ZNF502: variants seen among roughly 807,000 people sequenced by gnomAD.
ZNF502 encodes the protein zinc finger protein 502.
A neutral mutation model predicts 43.6 loss-of-function variants in ZNF502; 29 were observed. The ratio of observed to expected loss-of-function variants is 0.67; its 90% CI spans 0.50 to 0.91. The LOEUF is 0.91. Ranked by LOEUF, ZNF502 falls within the 40% of genes least tolerant of loss-of-function variation. The pLI is 0.00. For missense variants in ZNF502, 591 were observed against 647.2 expected (o/e 0.91, Z 0.94); for synonymous variants, 171 against 207.4 (o/e 0.82, Z 1.51).
At chr3:44,713,825 C>T (rs1247168698) in intron 1 of ZNF502, among the ~76,000 whole-genome samples, 1 of 152,144 alleles carries the variant, frequency 6.6e-6, no homozygotes, top group Non-Finnish European at 1.5e-5. Flanking sequence ...AGTGATCCAC[C>T]CGCCTTGGCC....
Position 44,722,436 on chromosome 3 carries a change from T to G in ZNF502, c.1619T>G (p.Leu540Arg). 1.9e-6 allele frequency: 3 copies of G among 1,611,250 alleles called. No individual in the cohort carries two copies. The highest frequency in any genetic ancestry group is 2.5e-6 in the Non-Finnish European group (3 of 1,178,776). ...TCAGTCCTTTTCAGACATCAGAAAC[T>G]TCACAGTGGTGACTAATGCTGCCAT... The part of the protein sequence containing the change: ...HSSVLFRHQK[L>R]HSGD The change falls in exon 3 of 3, where the codon CTT becomes CGT. Residue 540 changes from leucine (L) to arginine (R), a missense_variant. By Grantham distance (102) the Leu-to-Arg change is moderately radical. Transcript: ENST00000436624.
At position 44,722,296 on chromosome 3, in the gene ZNF502, T is replaced by C. The variant is rs1704378234; in HGVS notation, c.1479T>C (p.Cys493=). ...ACACTGGTGAGAAGCTCTATAAATGTAGTGAGTGTGAGAAAACCTTCCGCA... is the reference window on the plus strand; with the variant it reads ...ACACTGGTGAGAAGCTCTATAAATGCAGTGAGTGTGAGAAAACCTTCCGCA... ...RTHTGEKLYK[C]SECEKTFRKY... Residue 493 remains cysteine (C), a synonymous_variant, in exon 3 of 3, where the codon TGT becomes TGC. Transcript: ENST00000436624. 6 of 1,614,082 alleles carry C rather than the reference T, an allele frequency of 3.7e-6. No individual in the cohort carries two copies. The highest frequency in any genetic ancestry group is 5.1e-6 in the Non-Finnish European group (6 of 1,179,938).
At chr3:44,717,451 G>A (rs1277393804) in intron 1 of ZNF502, among the ~76,000 whole-genome samples, 4 of 118,764 alleles carry the variant, frequency 3.4e-5, no homozygotes, top group African/African-American at 9.8e-5. Context: ...CGCTCTTGTC[G>A]CCCAGGCTGG....
chr3:44,721,124 A>G lies in ZNF502; in HGVS notation c.307A>G (p.Asn103Asp). The G allele has an allele frequency of 6.2e-7, 1 of 1,614,196 alleles. No homozygotes were observed. Among genetic ancestry groups the G allele is most frequent in the East Asian group, 2.2e-5 (1 of 44,884 alleles). Residue 103 changes from asparagine to aspartate, a missense_variant, in exon 3 of 3, where the codon AAT becomes GAT. Asn to Asp is a conservative substitution (Grantham distance 23). Coordinates refer to ENST00000436624, the MANE Select transcript of ZNF502 (RefSeq NM_001134442.3). ...CCCTGAAATTATTAGTCAAGGATATAATTTTGAGAAAAGCTTGCTTTTGAC... is the reference window on the plus strand; with the variant it reads ...CCCTGAAATTATTAGTCAAGGATATGATTTTGAGAAAAGCTTGCTTTTGAC... ...APPEIISQGY[N>D]FEKSLLLTSS...
At position 44,721,016 on chromosome 3, in the gene ZNF502, A is replaced by G; in HGVS notation, c.199A>G (p.Asn67Asp). The change falls in exon 3 of 3, where the codon AAC becomes GAC. Residue 67 changes from asparagine (N) to aspartate (D), a missense_variant. Coordinates refer to ENST00000436624, the MANE Select transcript of ZNF502 (RefSeq NM_001134442.3). ...EKYACEGMKE[N>D]SPREIAESCL... Reference sequence around the variant, plus strand: ...ATATGCATGTGAGGGCATGAAGGAAAACTCTCCTAGGGAGATTGCTGAATC... The same window carrying G: ...ATATGCATGTGAGGGCATGAAGGAAGACTCTCCTAGGGAGATTGCTGAATC... 6.2e-7 allele frequency: 1 copy of G among 1,614,140 alleles called. No individual in the cohort carries two copies. Among genetic ancestry groups the G allele is most frequent in the Non-Finnish European group, 8.5e-7 (1 of 1,179,996 alleles).
Position 44,722,734 on chromosome 3 carries a change from T to C in ZNF502, c.*282T>C. On this transcript the variant is annotated 3_prime_UTR_variant, in exon 3 of 3. Transcript: ENST00000436624. ...TGACTCTTACAGCTTGAGGAGGCAT[T>C]TGTTAGCACTTCTGTTCACTTTACT... 1 of 357,960 alleles carries C rather than the reference T, an allele frequency of 2.8e-6. No individual in the cohort carries two copies. The highest frequency in any genetic ancestry group is 5.0e-6 in the Non-Finnish European group (1 of 198,946). 22.2% of individuals were successfully genotyped at this position (357,960 alleles called of 1,614,324 possible).
In ZNF502 at chr3:44,722,487, A is replaced by C. The variant is rs1303743046; in HGVS notation, c.*35A>C. 2 of 1,571,106 alleles carry C rather than the reference A, an allele frequency of 1.3e-6. No homozygotes were observed. Among genetic ancestry groups the C allele is most frequent in the South Asian group, 2.4e-5 (2 of 84,754 alleles). On this transcript the variant is annotated 3_prime_UTR_variant, in exon 3 of 3. Coordinates refer to ENST00000436624, the MANE Select transcript of ZNF502 (RefSeq NM_001134442.3). The stretch of plus-strand genomic sequence containing the variant: ...TTAGGTTATGACAGTTTCTCTAGCG[A>C]GGATGACTACGAATCTGACTGGGAG...
intron 1 of ZNF502, among the ~76,000 whole-genome samples, chr3:44,716,056 A>T (rs1367043518): frequency 6.6e-6 from 1 of 152,128 alleles, no homozygotes; most frequent in African/African-American, 2.4e-5. Context: ...CAGTAGAAAA[A>T]CTTTTATTTC....
Position 44,722,475 on chromosome 3 carries a change from G to T in ZNF502, c.*23G>T, listed in dbSNP as rs772633079. 1 of 1,585,960 alleles carries T rather than the reference G, an allele frequency of 6.3e-7. No individual in the cohort carries two copies. The highest frequency in any genetic ancestry group is 8.6e-7 in the Non-Finnish European group (1 of 1,168,486). On this transcript the variant is annotated 3_prime_UTR_variant, in exon 3 of 3. Coordinates refer to ENST00000436624, the MANE Select transcript of ZNF502 (RefSeq NM_001134442.3). The stretch of plus-strand genomic sequence containing the variant: ...TAATGCTGCCATTTAGGTTATGACA[G>T]TTTCTCTAGCGAGGATGACTACGAA...
intron 1 of ZNF502, among the ~76,000 whole-genome samples, chr3:44,716,680 A>C (rs1313978408): frequency 6.6e-6 from 1 of 152,216 alleles, no homozygotes; most frequent in Non-Finnish European, 1.5e-5. Context: ...GATGGTACCA[A>C]CTTACATTCG....
In ZNF502 at chr3:44,721,459, G is replaced by A. The variant is rs762571572; in HGVS notation, c.642G>A (p.Glu214=). The A allele has an allele frequency of 5.0e-6, 8 of 1,614,160 alleles. No homozygotes were observed. Among genetic ancestry groups the A allele is most frequent in the East Asian group, 2.2e-5 (1 of 44,866 alleles). The change falls in exon 3 of 3, where the codon GAG becomes GAA. Residue 214 remains glutamate, a synonymous_variant. Coordinates refer to ENST00000436624, the MANE Select transcript of ZNF502 (RefSeq NM_001134442.3). ...CTGGAGTGAAACCATATGGATGTGA[G>A]CAGTGTGGGAAAACATTTCGATGTC... ...IHTGVKPYGC[E]QCGKTFRCRS... is the part of the protein sequence containing the mutation.
rs746858486 is a variant in ZNF502 at position 44,720,290 on chromosome 3, G to C, written c.29G>C (p.Arg10Thr). The stretch of plus-strand genomic sequence containing the variant: ...TTGAATATGCAAGGAGCTGAAGAGA[G>C]AGACATTAGAAGAGAGACTTGTCCA... MLNMQGAEE[R>T]DIRRETCPGW... is the part of the protein sequence containing the mutation. The change falls in exon 2 of 3, where the codon AGA (arginine) becomes ACA (threonine). Residue 10 changes from arginine to threonine, a missense_variant. Coordinates refer to ENST00000436624, the MANE Select transcript of ZNF502 (RefSeq NM_001134442.3). 1.2e-6 allele frequency: 2 copies of C among 1,614,164 alleles called. No homozygotes were observed. Among genetic ancestry groups the C allele is most frequent in the Non-Finnish European group, 1.7e-6 (2 of 1,180,012 alleles).
rs1704317086 is a variant in ZNF502 at position 44,721,212 on chromosome 3, G to A, written c.395G>A (p.Ser132Asn). Residue 132 changes from serine to asparagine, a missense_variant, in exon 3 of 3, where the codon AGT (serine) becomes AAT (asparagine). By Grantham distance (46) the Ser-to-Asn change is conservative (BLOSUM62 1). Transcript: ENST00000436624. ...TEESLHQWETSNIQTNDISDQ... is the reference protein window; with the variant it reads ...TEESLHQWETNNIQTNDISDQ... ...GAGAGTCTGCATCAGTGGGAAACAA[G>A]TAATATACAAACCAATGATATTTCA... 1.2e-6 allele frequency: 2 copies of A among 1,614,106 alleles called. No individual in the cohort carries two copies. The highest frequency in any genetic ancestry group is 1.7e-6 in the Non-Finnish European group (2 of 1,180,016).
intron 1 of ZNF502, among the ~76,000 whole-genome samples, chr3:44,714,029 C>T (rs149769612): frequency 1.2e-4 from 18 of 152,106 alleles, no homozygotes; most frequent in South Asian, 4.2e-4. Flanking sequence ...AAAATGCAGA[C>T]CAAGAAGGGC....
At chr3:44,720,119 C>A in intron 1 of ZNF502, 84 bp from the exon 2 acceptor site, 1 of 835,294 alleles carries the variant, frequency 1.2e-6, no homozygotes, top group Non-Finnish European at 2.0e-6. Flanking sequence ...GATAGTGTCC[C>A]TAGGCAACAG....
rs770632469 is a variant in ZNF502 at position 44,721,478 on chromosome 3, C to T, written c.661C>T (p.Arg221Ter). 2.2e-5 allele frequency: 35 copies of T among 1,613,978 alleles called. No homozygotes were observed. The highest frequency in any genetic ancestry group is 1.9e-5 in the Non-Finnish European group (22 of 1,180,012). ...ATGTGAGCAGTGTGGGAAAACATTT[C>T]GATGTCGATCATTTCTTACTCAGCA... ...YGCEQCGKTFRCRSFLTQHQR... is the reference protein window; with the variant it reads ...YGCEQCGKTF The change falls in exon 3 of 3, where the codon CGA (arginine) becomes TGA (stop). Residue 221 changes from arginine to a stop codon, truncating the protein, a stop_gained. Transcript: ENST00000436624. LOFTEE classifies it high-confidence loss of function.
In ZNF502 at chr3:44,721,656, C is replaced by T; in HGVS notation, c.839C>T (p.Thr280Ile). 1 of 1,614,134 alleles carries T rather than the reference C, an allele frequency of 6.2e-7. No homozygotes were observed. The highest frequency in any genetic ancestry group is 8.5e-7 in the Non-Finnish European group (1 of 1,180,002). ...TGTGGGAAGGCATTCAATCAGAATA[C>T]ACACCTTATTCATCATCAGAGAATT... ...NRCGKAFNQNTHLIHHQRIHT... is the reference protein window; with the variant it reads ...NRCGKAFNQNIHLIHHQRIHT... The change falls in exon 3 of 3, where the codon ACA (threonine) becomes ATA (isoleucine). Residue 280 changes from threonine to isoleucine, a missense_variant. Thr to Ile is a moderately conservative substitution (Grantham distance 89). Transcript: ENST00000436624.
chr3:44,720,046 C>T (rs890352197), intron 1 of ZNF502, among the ~76,000 whole-genome samples, 157 bp from the exon 2 acceptor site: 1 of 152,200 alleles, frequency 6.6e-6, no homozygotes, highest in Admixed American at 6.5e-5. Context: ...AGGCTACAAG[C>T]CAATGCTGAT....
chr3:44,721,159 T>C lies in ZNF502; in HGVS notation c.342T>C (p.Leu114=), dbSNP rs775907821. The C allele has an allele frequency of 2.5e-6, 4 of 1,614,124 alleles. No homozygotes were observed. The highest frequency in any genetic ancestry group is 3.4e-6 in the Non-Finnish European group (4 of 1,180,030). ...FEKSLLLTSS[L]VTRLRVSTEE... Reference sequence around the variant, plus strand: ...AAAGCTTGCTTTTGACCTCAAGCCTTGTTACACGTCTCAGGGTTTCTACAG... The same window carrying C: ...AAAGCTTGCTTTTGACCTCAAGCCTCGTTACACGTCTCAGGGTTTCTACAG... Residue 114 remains leucine, a synonymous_variant, in exon 3 of 3, where the codon CTT becomes CTC. Coordinates refer to ENST00000436624, the MANE Select transcript of ZNF502 (RefSeq NM_001134442.3).
Sources: gnomAD v4.1 joint callset for allele counts (sites outside exome capture counted in the v4.1 genomes callset) on GRCh38, gnomAD v4.1.1 for gene constraint, MANE v1.5 for transcripts, NCBI Gene and HGNC (gene_info 2026-07-23, HGNC 2026-07-21) for gene names.